Variants in PCDH7 observed in about 807,000 individuals in gnomAD.
PCDH7 encodes the protein protocadherin 7, also known as protocadherin-7.
A neutral mutation model predicts 58.9 loss-of-function variants in PCDH7; 17 were observed. That is an observed-to-expected ratio of 0.29 (90% CI 0.20 to 0.43). The LOEUF (loss-of-function observed/expected upper bound fraction) is 0.43, where lower values mean the gene tolerates loss of function less well. PCDH7 is among the 20% of genes least tolerant of loss of function. The pLI is 1.00. For missense variants in PCDH7, 1,274 were observed against 1,441.0 expected, an observed-to-expected ratio of 0.88 and a Z score of 1.88; for synonymous variants, 664 against 616.4, an observed-to-expected ratio of 1.08 and a Z score of -1.14.
At chr4:31,094,430 A>G (rs947059107) in intron 3 of PCDH7, among the ~76,000 whole-genome samples, 3 of 152,186 alleles carry the variant, frequency 2.0e-5, no homozygotes, top group African/African-American at 7.2e-5. Flanking sequence ...AAGGCTGCAA[A>G]TGGACAAAGC....
chr4:30,819,644 G>T (rs906258830), intron 1 of PCDH7, among the ~76,000 whole-genome samples: 1 of 152,162 alleles, frequency 6.6e-6, no homozygotes, highest in Non-Finnish European at 1.5e-5. Flanking sequence ...GAATAACTAA[G>T]TTAAAGTTGG....
At chr4:30,962,790 A>C (rs969042368) in intron 3 of PCDH7, among the ~76,000 whole-genome samples, 12 of 150,620 alleles carry the variant, frequency 8.0e-5, no homozygotes, top group East Asian at 2.0e-4. Flanking sequence ...AAAAAAAAAA[A>C]AAAAAAAAAA....
intron 1 of PCDH7, among the ~76,000 whole-genome samples, chr4:30,886,636 G>A (rs1002124916): frequency 3.3e-5 from 5 of 149,628 alleles, no homozygotes; most frequent in African/African-American, 1.2e-4. Flanking sequence ...TATACCCAAA[G>A]GACTATAAAT....
intron 1 of PCDH7, among the ~76,000 whole-genome samples, chr4:30,883,848 A>G (rs964667561): frequency 2.6e-5 from 4 of 152,212 alleles, no homozygotes; most frequent in Non-Finnish European, 2.9e-5. Flanking sequence ...TGAATGATCA[A>G]CATGACTCAG....
chr4:30,888,138 T>A (rs888052214), intron 1 of PCDH7, among the ~76,000 whole-genome samples: 1 of 152,120 alleles, frequency 6.6e-6, no homozygotes, highest in African/African-American at 2.4e-5. Context: ...CCTCCCAAAG[T>A]TCTAGGATTA....
At chr4:30,941,933 GT>G (rs1263710893) in intron 2 of PCDH7, among the ~76,000 whole-genome samples, 1 of 151,872 alleles carries the variant, frequency 6.6e-6, no homozygotes, top group African/African-American at 2.4e-5. Context: ...TTTAAGATAT[GT>G]AATTTTTAAA....
intron 1 of PCDH7, among the ~76,000 whole-genome samples, chr4:30,813,767 G>C (rs1306066499): frequency 6.6e-6 from 1 of 152,034 alleles, no homozygotes; most frequent in Non-Finnish European, 1.5e-5. Context: ...TCAGCATCCT[G>C]AGTCACTGAG....
intron 1 of PCDH7, among the ~76,000 whole-genome samples, chr4:30,753,594 A>G (rs895343349): frequency 7.9e-5 from 12 of 152,198 alleles, no homozygotes; most frequent in African/African-American, 2.9e-4. Context: ...ACAGGGCTCA[A>G]GGTAGATTTG....
intron 3 of PCDH7, among the ~76,000 whole-genome samples, chr4:30,956,854 G>T (rs1490126259): frequency 6.6e-6 from 1 of 152,094 alleles, no homozygotes; most frequent in Non-Finnish European, 1.5e-5. Flanking sequence ...TGCACTACTT[G>T]TCTTGAATCA....
intron 1 of PCDH7, chr4:30,885,216 T>C (rs981817405): frequency 1.3e-5 from 2 of 152,198 alleles, no homozygotes; most frequent in Non-Finnish European, 2.9e-5. Context: ...GTTTGTCCTT[T>C]GTTACATTTT....
intron 1 of PCDH7, among the ~76,000 whole-genome samples, chr4:30,834,479 G>T (rs965483162): frequency 6.6e-5 from 10 of 152,012 alleles, no homozygotes; most frequent in African/African-American, 9.7e-5. Context: ...TTAAACTGAG[G>T]TGCTTTGAAC....
chr4:30,795,469 A>G (rs1342132164), intron 1 of PCDH7, among the ~76,000 whole-genome samples: 1 of 152,254 alleles, frequency 6.6e-6, no homozygotes, highest in East Asian at 1.9e-4. Flanking sequence ...CACAAGTCAC[A>G]AAGCTACTCA....
intron 1 of PCDH7, among the ~76,000 whole-genome samples, chr4:30,741,838 A>C (rs1335088501): frequency 6.6e-6 from 1 of 152,242 alleles, no homozygotes; most frequent in Non-Finnish European, 1.5e-5. Context: ...GTGGACAATT[A>C]ATTTTGAATC....
intron 3 of PCDH7, among the ~76,000 whole-genome samples, chr4:30,970,649 A>G (rs935865958): frequency 6.6e-6 from 1 of 152,160 alleles, no homozygotes; most frequent in Admixed American, 6.5e-5. Flanking sequence ...ACTTTTTGGA[A>G]CACCAAAAGG....
At chr4:30,755,030 T>C (rs1019645758) in intron 1 of PCDH7, among the ~76,000 whole-genome samples, 3 of 152,048 alleles carry the variant, frequency 2.0e-5, no homozygotes, top group Non-Finnish European at 4.4e-5. Context: ...GAAACTGAGG[T>C]TTGGGGTTTA....
chr4:31,022,306 A>G (rs1448350841), intron 3 of PCDH7, among the ~76,000 whole-genome samples: 1 of 152,180 alleles, frequency 6.6e-6, no homozygotes, highest in Non-Finnish European at 1.5e-5. Flanking sequence ...GATTTTTCAC[A>G]GTTGATGATG....
chr4:30,783,309 G>C (rs996690911), intron 1 of PCDH7: 1 of 152,064 alleles, frequency 6.6e-6, no homozygotes, highest in Admixed American at 6.6e-5. Context: ...ACTTCCTGTT[G>C]TTAGACTATG....
chr4:30,782,527 T>C (rs1722934282), intron 1 of PCDH7, among the ~76,000 whole-genome samples: 1 of 152,214 alleles, frequency 6.6e-6, no homozygotes, highest in Non-Finnish European at 1.5e-5. Context: ...AGATTTCTTT[T>C]TCTTAACCAT....
At chr4:31,079,359 T>TATATATATATAGATATATAG (rs1759305589) in intron 3 of PCDH7, among the ~76,000 whole-genome samples, 1 of 84,998 alleles carries the variant, frequency 1.2e-5, no homozygotes, top group Non-Finnish European at 2.3e-5. Context: ...TATATATATA[T>TATATATATATAGATATATAG]ATATACACCA....
Sources: allele counts gnomAD v4.1 joint callset (sites outside exome capture counted in the v4.1 genomes callset), GRCh38; gene constraint gnomAD v4.1.1; transcripts MANE v1.5; gene names NCBI Gene and HGNC (gene_info 2026-07-23, HGNC 2026-07-21).